The following CEP126 variants were observed in gnomAD, a reference collection of about 807,000 sequenced individuals.
The protein encoded by CEP126 is centrosomal protein of 126 kDa.
In CEP126, 74 loss-of-function variants were observed where a neutral mutation model predicts 107.8. The ratio of observed to expected loss-of-function variants is 0.69; its 90% confidence interval spans 0.57 to 0.83. The LOEUF (loss-of-function observed/expected upper bound fraction) is 0.83, where lower values mean the gene tolerates loss of function less well. CEP126 is among the 40% of genes least tolerant of loss of function. CEP126 has a pLI of 0.00. For synonymous variants in CEP126, 449 were observed against 446.0 expected (o/e 1.01, Z -0.08); for missense variants, 1,237 against 1,281.9 (o/e 0.96, Z 0.53).
intron 2 of CEP126, among the ~76,000 whole-genome samples, chr11:101,938,584 A>C (rs897782067): frequency 6.6e-6 from 1 of 152,066 alleles, no homozygotes; most frequent in African/African-American, 2.4e-5. Context: ...ATGGTGGCTC[A>C]CACCTGTAAT....
intron 2 of CEP126, among the ~76,000 whole-genome samples, chr11:101,923,407 T>C (rs1275858352): frequency 2.0e-5 from 3 of 152,208 alleles, no homozygotes; most frequent in Non-Finnish European, 2.9e-5. Context: ...TATTAGGCTT[T>C]TTTTGAGACA....
chr11:101,987,890 T>C (rs1270615619), intron 9 of CEP126, among the ~76,000 whole-genome samples: 1 of 152,142 alleles, frequency 6.6e-6, no homozygotes, highest in African/African-American at 2.4e-5. Flanking sequence ...AGTACATTTA[T>C]GTATCTTCTG....
chr11:101,991,657 T>C (rs1397911032), intron 9 of CEP126, among the ~76,000 whole-genome samples: 2 of 152,196 alleles, frequency 1.3e-5, no homozygotes, highest in Non-Finnish European at 2.9e-5. Context: ...TATGTGTTCA[T>C]CATTAGACTC....
At chr11:101,932,803 T>C (rs992201167) in intron 2 of CEP126, among the ~76,000 whole-genome samples, 2 of 152,180 alleles carry the variant, frequency 1.3e-5, no homozygotes, top group Non-Finnish European at 1.5e-5. Flanking sequence ...CTAGCACTTA[T>C]GATAATTAGT....
At chr11:101,989,637 T>A (rs925800301) in intron 9 of CEP126, among the ~76,000 whole-genome samples, 5 of 152,100 alleles carry the variant, frequency 3.3e-5, no homozygotes, top group Admixed American at 2.0e-4. Context: ...TGAGGTCACA[T>A]CACAACCAAG....
rs1464336168 is a variant in CEP126, at chr11:101,997,613, T to C, written c.3324T>C (p.Asp1108=). 1 of 1,613,976 alleles carries C rather than the reference T, an allele frequency of 6.2e-7. No individual in the cohort carries two copies. Among genetic ancestry groups the C allele is most frequent in the South Asian group, 1.1e-5 (1 of 91,086 alleles). The change falls in exon 11 of 11, where the codon GAT becomes GAC. Residue 1108 remains aspartate (D), a synonymous_variant. Coordinates refer to ENST00000263468, the MANE Select transcript of CEP126 (RefSeq NM_020802.4). ...QIIPLLEKRE[D]RTSSCRDKR is the part of the protein sequence containing the mutation. ...CTGATTTCCAGGAGAAGAGAGAAGA[T>C]AGAACCAGCAGCTGCAGAGACAAGA...
At chr11:101,940,000 T>G (rs1315237125) in intron 2 of CEP126, among the ~76,000 whole-genome samples, 1 of 152,158 alleles carries the variant, frequency 6.6e-6, no homozygotes, top group Non-Finnish European at 1.5e-5. Flanking sequence ...CTGACTAAGA[T>G]TCCTTCCTTA....
Position 101,949,786 on chromosome 11 carries a change from A to G in CEP126, c.506+1644A>G, listed in dbSNP as rs781297050. On this transcript the variant is annotated intron_variant, in intron 4 of 10. Transcript: ENST00000263468. ...TAAGGGACTATAAAACCAACAAAGG[A>G]TGGTAAAGCACCCCCAGAACTGACA... 4.8e-4 allele frequency among the ~76,000 whole-genome samples: 73 copies of G among 152,176 alleles called. 1 individual carries two copies. The highest frequency in any genetic ancestry group is 8.5e-4 in the Non-Finnish European group (58 of 68,026).
chr11:101,987,249 T>G (rs1367401046), intron 9 of CEP126, among the ~76,000 whole-genome samples: 1 of 152,232 alleles, frequency 6.6e-6, no homozygotes, highest in African/African-American at 2.4e-5. Context: ...TTGGCAGACT[T>G]ATCTGTCTTT....
intron 9 of CEP126, among the ~76,000 whole-genome samples, chr11:101,990,709 T>G (rs1476975787): frequency 1.3e-5 from 2 of 150,832 alleles, no homozygotes; most frequent in African/African-American, 4.9e-5. Context: ...ATAATAGAAA[T>G]CTACTACTGA....
chr11:101,961,608 A>T (rs1448890001), intron 5 of CEP126, 133 bp from the exon 6 acceptor site: 8 of 512,362 alleles, frequency 1.6e-5, no homozygotes, highest in Non-Finnish European at 2.7e-5. Flanking sequence ...AATTATTTAT[A>T]TACCTATGAT....
At chr11:101,934,180 A>G (rs899453734) in intron 2 of CEP126, among the ~76,000 whole-genome samples, 1 of 152,096 alleles carries the variant, frequency 6.6e-6, no homozygotes, top group Non-Finnish European at 1.5e-5. Flanking sequence ...GCAGTCATCT[A>G]TAGATCCTCT....
intron 2 of CEP126, 43 bp from the exon 3 acceptor site, chr11:101,944,222 C>T (rs531225495): frequency 1.4e-5 from 21 of 1,481,652 alleles, no homozygotes; most frequent in South Asian, 4.2e-5. Context: ...ATTTTCTAAA[C>T]TTACCACCTA....
intron 4 of CEP126, chr11:101,955,847 C>T (rs1378341595): frequency 2.2e-5 from 10 of 456,050 alleles, no homozygotes; most frequent in South Asian, 1.6e-5. Flanking sequence ...ACCTGATCAA[C>T]TGTCTCCTCC....
intron 4 of CEP126, among the ~76,000 whole-genome samples, chr11:101,957,568 A>C (rs1330611713): frequency 6.6e-6 from 1 of 152,008 alleles, no homozygotes; most frequent in Admixed American, 6.6e-5. Context: ...TGGCATAAAA[A>C]CCATGCTTAT....
rs1259326168 is a variant in CEP126, at chr11:101,999,541, T to C, written c.*1898T>C. The C allele has an allele frequency of 6.7e-6, 1 of 149,194 alleles. No individual in the cohort carries two copies. Among genetic ancestry groups the C allele is most frequent in the Non-Finnish European group, 1.5e-5 (1 of 67,538 alleles). The allele number at this position is 149,194 out of a possible 1,614,324, so 9.2% of individuals were successfully genotyped here. A position where few individuals can be genotyped will look rare whatever the true frequency, so the allele number is the denominator to read the frequency against. On this transcript the variant is annotated 3_prime_UTR_variant, in exon 11 of 11. Transcript: ENST00000263468. Reference sequence around the variant, plus strand: ...AGTAAGCTGGTGAAACAAGATAAGATTTGCATTTTACTAGAACTTGCACAT... The same window carrying C: ...AGTAAGCTGGTGAAACAAGATAAGACTTGCATTTTACTAGAACTTGCACAT...
chr11:101,954,781 G>C (rs1940862787), intron 4 of CEP126, among the ~76,000 whole-genome samples: 1 of 152,012 alleles, frequency 6.6e-6, no homozygotes, highest in South Asian at 2.1e-4. Flanking sequence ...TAATGTATAT[G>C]AAAGTGCTTT....
intron 9 of CEP126, among the ~76,000 whole-genome samples, chr11:101,990,576 A>T (rs1476427870): frequency 1.3e-5 from 2 of 152,176 alleles, no homozygotes; most frequent in South Asian, 2.1e-4. Context: ...GTTAACTGTC[A>T]TGGGAAGGAG....
chr11:101,992,842 G>A lies in CEP126; in HGVS notation c.3309G>A (p.Leu1103=), dbSNP rs753647160. Residue 1103 remains leucine (L), a splice_region_variant and synonymous_variant, in exon 10 of 11, where the codon CTG becomes CTA. Transcript: ENST00000263468. ...IKNTLQIIPL[L]EKREDRTSSC... ...ATACTTTACAAATAATACCACTTCTGGTAAGTATTTGAAGAAGCTCTTTTT... is the reference window on the plus strand; with the variant it reads ...ATACTTTACAAATAATACCACTTCTAGTAAGTATTTGAAGAAGCTCTTTTT... 2 of 1,528,098 alleles carry A rather than the reference G, an allele frequency of 1.3e-6. No individual in the cohort carries two copies. Among genetic ancestry groups the A allele is most frequent in the Admixed American group, 4.6e-5 (2 of 43,848 alleles). 94.7% of individuals were successfully genotyped at this position (1,528,098 alleles called of 1,614,324 possible). A position where few individuals can be genotyped will look rare whatever the true frequency, so the allele number is the denominator to read the frequency against.
Sources: allele counts gnomAD v4.1 joint callset (sites outside exome capture counted in the v4.1 genomes callset), GRCh38; gene constraint gnomAD v4.1.1; transcripts MANE v1.5; gene names NCBI Gene and HGNC (gene_info 2026-07-23, HGNC 2026-07-21).